ADAM22: variants seen among roughly 807,000 people sequenced by gnomAD.
ADAM22 encodes disintegrin and metalloproteinase domain-containing protein 22.
ADAM22 carries 65 observed loss-of-function variants against 144.6 expected under a neutral mutation model. That is an observed-to-expected ratio of 0.45 (90% CI 0.37 to 0.55). The LOEUF is 0.55. ADAM22 is among the 20% of genes least tolerant of loss of function. The probability of loss-of-function intolerance (pLI) is 0.00; values close to 1 mark genes in which losing one functional copy is unlikely to be tolerated. For missense variants in ADAM22, 974 were observed against 1,184.9 expected (o/e 0.82, Z 2.61); for synonymous variants, 391 against 412.6 (o/e 0.95, Z 0.63).
intron 23 of ADAM22, among the ~76,000 whole-genome samples, chr7:88,164,524 A>G (rs1391772927): frequency 6.6e-6 from 1 of 152,026 alleles, no homozygotes; most frequent in Non-Finnish European, 1.5e-5. Context: ...TTTGTACTAT[A>G]TATCATGTAG....
intron 4 of ADAM22, among the ~76,000 whole-genome samples, chr7:88,104,490 G>A (rs573679870): frequency 6.6e-6 from 1 of 151,398 alleles, no homozygotes; most frequent in South Asian, 2.1e-4. Context: ...CACCACATGT[G>A]TATTATTTTA....
intron 2 of ADAM22, among the ~76,000 whole-genome samples, chr7:87,937,035 A>G (rs980767705): frequency 6.6e-6 from 1 of 152,160 alleles, no homozygotes; most frequent in East Asian, 1.9e-4. Context: ...GGCTCACAGC[A>G]GCCTTGACCT....
At chr7:88,061,944 G>A (rs927750416) in intron 3 of ADAM22, among the ~76,000 whole-genome samples, 1 of 148,642 alleles carries the variant, frequency 6.7e-6, no homozygotes, top group East Asian at 2.0e-4. Flanking sequence ...CTGGGCTGAA[G>A]TAATCAACCT....
intron 2 of ADAM22, among the ~76,000 whole-genome samples, chr7:87,966,728 T>TTTG (rs1562874102): frequency 1.6e-5 from 2 of 126,698 alleles, no homozygotes; most frequent in African/African-American, 6.1e-5. Context: ...GCCGTTTTTT[T>TTTG]TTTTTTTTTT....
intron 4 of ADAM22, among the ~76,000 whole-genome samples, chr7:88,082,412 A>T (rs1360290736): frequency 1.3e-5 from 2 of 152,202 alleles, no homozygotes; most frequent in Admixed American, 1.3e-4. Flanking sequence ...AATACCATTC[A>T]GGACATAGGC....
rs1162329078 is a variant in ADAM22, at chr7:88,200,569, A to T, written c.*4078A>T. On this transcript the variant is annotated 3_prime_UTR_variant, in exon 32 of 32. Transcript: ENST00000413139. ...GAAACACTTGACTGCCATTTGCAGC[A>T]TCATATCTACTTTTTATGCACCTAA... 1 of 152,228 alleles carries T rather than the reference A, an allele frequency of 6.6e-6. No homozygotes were observed. Among genetic ancestry groups the T allele is most frequent in the Admixed American group, 6.5e-5 (1 of 15,284 alleles). The allele number at this position is 152,228 out of a possible 1,614,324, so 9.4% of individuals were successfully genotyped here. A position where few individuals can be genotyped will look rare whatever the true frequency, so the allele number is the denominator to read the frequency against.
chr7:87,987,944 T>C (rs1393221106), intron 3 of ADAM22, among the ~76,000 whole-genome samples: 1 of 152,178 alleles, frequency 6.6e-6, no homozygotes, highest in East Asian at 1.9e-4. Flanking sequence ...CTGTGAGTGT[T>C]AACTATAACC....
chr7:87,971,782 G>A (rs1233310215), intron 2 of ADAM22, among the ~76,000 whole-genome samples: 1 of 152,232 alleles, frequency 6.6e-6, no homozygotes, highest in Non-Finnish European at 1.5e-5. Context: ...GGGTCTAAGA[G>A]TAACTTTCTG....
chr7:87,991,829 G>GT (rs1789976052), intron 3 of ADAM22, among the ~76,000 whole-genome samples: 1 of 152,208 alleles, frequency 6.6e-6, no homozygotes, highest in African/African-American at 2.4e-5. Flanking sequence ...GTTAACCATA[G>GT]TAAGTTTGAG....
chr7:87,989,043 T>C (rs1425701427), intron 3 of ADAM22, among the ~76,000 whole-genome samples: 1 of 152,250 alleles, frequency 6.6e-6, no homozygotes. Context: ...TGTTTGTGTA[T>C]GCTTTGTTTC....
intron 30 of ADAM22, among the ~76,000 whole-genome samples, chr7:88,188,648 A>T (rs1848885744): frequency 6.6e-6 from 1 of 152,234 alleles, no homozygotes. Context: ...AATAATTGAG[A>T]TGGCCCAGAA....
chr7:88,024,363 C>T (rs1172427887), intron 3 of ADAM22, among the ~76,000 whole-genome samples: 1 of 152,154 alleles, frequency 6.6e-6, no homozygotes, highest in Non-Finnish European at 1.5e-5. Context: ...TATTGCCTAA[C>T]TTTTGGATAT....
intron 11 of ADAM22, chr7:88,131,686 T>A (rs1831825519): frequency 1.9e-6 from 1 of 515,414 alleles, no homozygotes; most frequent in East Asian, 2.9e-5. Flanking sequence ...ATTTACTGAG[T>A]AAAAATACTG....
At chr7:88,075,840 G>A (rs2129480598) in intron 4 of ADAM22, 148 bp downstream of exon 4, 1 of 682,280 alleles carries the variant, frequency 1.5e-6, no homozygotes, top group South Asian at 2.0e-5. Flanking sequence ...CACCCACTTT[G>A]GAAAAATGAA....
chr7:88,041,285 C>A (rs1442627320), intron 3 of ADAM22, among the ~76,000 whole-genome samples: 1 of 151,918 alleles, frequency 6.6e-6, no homozygotes, highest in Non-Finnish European at 1.5e-5. Context: ...ATTCTACTTA[C>A]CACAGGACAG....
chr7:88,096,501 CAT>C (rs560239180), intron 4 of ADAM22, among the ~76,000 whole-genome samples: 6 of 150,858 alleles, frequency 4.0e-5, no homozygotes, highest in African/African-American at 1.2e-4. Context: ...TCCACACACA[CAT>C]ATATATATAT....
At position 88,181,549 on chromosome 7, in the gene ADAM22, CA is replaced by C. The variant is rs1225518218; in HGVS notation, c.2544del (p.Lys848AsnfsTer43). 2 of 1,613,844 alleles carry C rather than the reference CA, an allele frequency of 1.2e-6. No homozygotes were observed. ...TCTTGGAGTGAAAGGATTCCAGACACAAAACATATTTCAGACATCTGTGAAA... is the reference window on the plus strand; with the variant it reads ...TCTTGGAGTGAAAGGATTCCAGACACAAACATATTTCAGACATCTGTGAAA... Reference protein sequence around the residue: ...SHSWSERIPDTKHISDICENG... With the variant: ...SHSWSERIPDXKHISDICENG... On this transcript the variant is annotated frameshift_variant, in exon 28 of 32. Coordinates refer to ENST00000413139, the MANE Select transcript of ADAM22 (RefSeq NM_001324418.2). LOFTEE classifies it high-confidence loss of function.
intron 4 of ADAM22, among the ~76,000 whole-genome samples, chr7:88,105,034 G>C (rs1472583581): frequency 1.3e-5 from 2 of 152,036 alleles, no homozygotes; most frequent in Non-Finnish European, 2.9e-5. Flanking sequence ...ATGGAGGAAT[G>C]CTTTTAAAAA....
At chr7:88,087,967 A>C (rs2129484288) in intron 4 of ADAM22, among the ~76,000 whole-genome samples, 1 of 152,298 alleles carries the variant, frequency 6.6e-6, no homozygotes, top group South Asian at 2.1e-4. Flanking sequence ...AGTTGCAGTA[A>C]AAAGATGAAT....
Sources: gnomAD v4.1 joint callset for allele counts (sites outside exome capture counted in the v4.1 genomes callset) on GRCh38, gnomAD v4.1.1 for gene constraint, MANE v1.5 for transcripts, NCBI Gene and HGNC (gene_info 2026-07-23, HGNC 2026-07-21) for gene names.